Variants in SLC44A5 observed in about 807,000 individuals in gnomAD.
SLC44A5 encodes choline transporter-like protein 5.
Under a neutral mutation model 101.8 loss-of-function variants are expected in SLC44A5, and 57 were observed. That is an observed-to-expected ratio of 0.56 (90% CI 0.45 to 0.70). The LOEUF (loss-of-function observed/expected upper bound fraction) is 0.70. Among genes scored for constraint, SLC44A5 ranks in the 30% least tolerant of loss-of-function variants. SLC44A5 has a pLI of 0.00. For missense variants in SLC44A5, 737 were observed against 853.1 expected (o/e 0.86, Z 1.70); for synonymous variants, 281 against 290.9 (o/e 0.97, Z 0.35).
intron 1 of SLC44A5, among the ~76,000 whole-genome samples, chr1:75,560,975 A>G (rs567789214): frequency 6.6e-6 from 1 of 152,172 alleles, no homozygotes; most frequent in Non-Finnish European, 1.5e-5. Context: ...AAGTCCTAAT[A>G]ATAAGGTTAA....
intron 2 of SLC44A5, among the ~76,000 whole-genome samples, chr1:75,521,317 G>A (rs1164356606): frequency 1.3e-5 from 2 of 152,132 alleles, no homozygotes; most frequent in African/African-American, 4.8e-5. Context: ...CGTCTGGGAC[G>A]ACATAAGCAT....
chr1:75,443,687 A>C (rs988972348), intron 2 of SLC44A5, among the ~76,000 whole-genome samples: 6 of 151,858 alleles, frequency 4.0e-5, no homozygotes, highest in African/African-American at 1.5e-4. Context: ...GAACAAAATA[A>C]AAAGAAAATA....
chr1:75,328,926 G>C (rs1656813686), intron 4 of SLC44A5, among the ~76,000 whole-genome samples: 4 of 152,198 alleles, frequency 2.6e-5, no homozygotes, highest in Admixed American at 2.6e-4. Context: ...GTGGTATGCA[G>C]ACAGCCTCCT....
At chr1:75,333,708 A>G (rs932688402) in intron 4 of SLC44A5, among the ~76,000 whole-genome samples, 1 of 152,218 alleles carries the variant, frequency 6.6e-6, no homozygotes, top group Non-Finnish European at 1.5e-5. Context: ...TAATGTGATC[A>G]GTGAAATTAA....
chr1:75,274,148 T>C (rs1008201440), intron 6 of SLC44A5, among the ~76,000 whole-genome samples: 2 of 151,944 alleles, frequency 1.3e-5, no homozygotes, highest in African/African-American at 4.8e-5. Flanking sequence ...TTGTTGTTGT[T>C]CTTGGAAGTC....
rs76069074 is a variant in SLC44A5 at position 75,449,162 on chromosome 1, A to G, written c.14-52541T>C. 2.0e-3 allele frequency among the ~76,000 whole-genome samples: 300 copies of G among 152,208 alleles called. 2 individuals are homozygous for G. The highest frequency in any genetic ancestry group is 3.3e-3 in the Non-Finnish European group (226 of 67,996). On this transcript the variant is annotated intron_variant, in intron 2 of 23. Coordinates refer to ENST00000370859, the MANE Select transcript of SLC44A5 (RefSeq NM_001130058.2). The stretch of plus-strand genomic sequence containing the variant: ...TAATACATTGTCATAGCTCCCTGCA[A>G]TTTTGTCAGTGTTGGTAATGATACA...
At chr1:75,456,172 G>C (rs1441998164) in intron 2 of SLC44A5, among the ~76,000 whole-genome samples, 1 of 152,098 alleles carries the variant, frequency 6.6e-6, no homozygotes, top group Non-Finnish European at 1.5e-5. Context: ...GAATACTACA[G>C]TCATAAAAAG....
At chr1:75,365,156 T>C (rs1040489175) in intron 3 of SLC44A5, among the ~76,000 whole-genome samples, 22 of 152,160 alleles carry the variant, frequency 1.4e-4, no homozygotes. Flanking sequence ...TCTTTTATTT[T>C]TATTTTTTAA....
the SLC44A5 span, among the ~76,000 whole-genome samples, chr1:75,687,336 C>G: frequency 6.6e-6 from 1 of 152,162 alleles, no homozygotes; most frequent in Non-Finnish European, 1.5e-5. Context: ...CAGAGTCTCA[C>G]TCTGTCACAC....
At chr1:75,449,607 T>C (rs1191452294) in intron 2 of SLC44A5, among the ~76,000 whole-genome samples, 1 of 152,188 alleles carries the variant, frequency 6.6e-6, no homozygotes, top group Non-Finnish European at 1.5e-5. Flanking sequence ...AATGGGCCTT[T>C]CAGAACTGTG....
rs148949146 is a variant in SLC44A5 at position 75,273,201 on chromosome 1, G to T, written c.260+1757C>A. Among the ~76,000 whole-genome samples, 434 of 152,118 alleles carry T rather than the reference G, an allele frequency of 2.9e-3. 1 individual carries two copies. Among genetic ancestry groups the T allele is most frequent in the African/African-American group, 0.01 (420 of 41,548 alleles). On this transcript the variant is annotated intron_variant, in intron 6 of 23. Transcript: ENST00000370859. ...TCTCAGCTTGGTCACTGTTGATGGA[G>T]AGCAGTGCTACTAATTTGTGTACAT...
At chr1:75,716,551 G>A in the SLC44A5 span, among the ~76,000 whole-genome samples, 1 of 152,186 alleles carries the variant, frequency 6.6e-6, no homozygotes, top group African/African-American at 2.4e-5. Context: ...ACTGTGGAAA[G>A]CAATGTGGCG....
At chr1:75,286,815 A>G (rs1315923081) in intron 5 of SLC44A5, among the ~76,000 whole-genome samples, 1 of 151,972 alleles carries the variant, frequency 6.6e-6, no homozygotes, top group Non-Finnish European at 1.5e-5. Flanking sequence ...CTGCTGAGGA[A>G]TCTCCTGTTA....
chr1:75,619,091 A>G, the SLC44A5 span, among the ~76,000 whole-genome samples: 4 of 58,374 alleles, frequency 6.9e-5, no homozygotes, highest in South Asian at 7.8e-4. Flanking sequence ...GGGGGGGGGA[A>G]GGAAAGAAGG....
At chr1:75,625,761 A>G in the SLC44A5 span, among the ~76,000 whole-genome samples, 1 of 152,140 alleles carries the variant, frequency 6.6e-6, no homozygotes, top group African/African-American at 2.4e-5. Context: ...CCCAGTTACC[A>G]TCCTAAATCT....
chr1:75,213,555 G>A, intron 22 of SLC44A5, 150 bp downstream of exon 22: 2 of 618,792 alleles, frequency 3.2e-6, no homozygotes, highest in Non-Finnish European at 5.8e-6. Flanking sequence ...CCAGGAAGAG[G>A]ACCCTCACCA....
At chr1:75,314,083 G>A (rs1655511943) in intron 4 of SLC44A5, among the ~76,000 whole-genome samples, 1 of 152,118 alleles carries the variant, frequency 6.6e-6, no homozygotes, top group Non-Finnish European at 1.5e-5. Context: ...TTACTTTATA[G>A]TTTAAATAAT....
chr1:75,286,082 C>T (rs1416622849), intron 5 of SLC44A5, among the ~76,000 whole-genome samples: 1 of 152,070 alleles, frequency 6.6e-6, no homozygotes, highest in Non-Finnish European at 1.5e-5. Context: ...AAATCCCCCA[C>T]TATTATTATG....
At chr1:75,653,266 G>A in the SLC44A5 span, among the ~76,000 whole-genome samples, 1 of 152,164 alleles carries the variant, frequency 6.6e-6, no homozygotes. Flanking sequence ...TGGTTCACCA[G>A]AGGTCAGGAG....
Sources: gnomAD v4.1 joint callset for allele counts (sites outside exome capture counted in the v4.1 genomes callset) on GRCh38, gnomAD v4.1.1 for gene constraint, MANE v1.5 for transcripts, NCBI Gene and HGNC (gene_info 2026-07-23, HGNC 2026-07-21) for gene names.